ABLIM3: variants seen among roughly 807,000 people sequenced by gnomAD.
ABLIM3 encodes the protein actin-binding LIM protein 3.
Under a neutral mutation model 109.5 loss-of-function variants are expected in ABLIM3, and 61 were observed. That is an observed-to-expected ratio of 0.56 (90% CI 0.45 to 0.69). ABLIM3 has a LOEUF of 0.69. Among genes scored for constraint, ABLIM3 ranks in the 30% least tolerant of loss-of-function variants. ABLIM3 has a pLI of 0.00. For synonymous variants in ABLIM3, 300 were observed against 324.8 expected, an observed-to-expected ratio of 0.92 and a Z score of 0.82; for missense variants, 796 against 889.5, an observed-to-expected ratio of 0.89 and a Z score of 1.34.
At chr5:149,186,829 C>A (rs1196820913) in intron 3 of ABLIM3, among the ~76,000 whole-genome samples, 1 of 150,340 alleles carries the variant, frequency 6.7e-6, no homozygotes, top group African/African-American at 2.5e-5. Flanking sequence ...TACATTTAAA[C>A]AAGCTAGAAA....
intron 10 of ABLIM3, among the ~76,000 whole-genome samples, chr5:149,233,579 C>T (rs922791333): frequency 2.6e-5 from 4 of 152,160 alleles, no homozygotes; most frequent in Non-Finnish European, 5.9e-5. Context: ...ACAGCAAGAG[C>T]CCTTGCTGAG....
chr5:149,242,619 C>A, intron 15 of ABLIM3, 81 bp downstream of exon 15: 3 of 1,401,514 alleles, frequency 2.1e-6, no homozygotes, highest in Non-Finnish European at 3.0e-6. Flanking sequence ...CCTGCACAGG[C>A]CACCAGGAGC....
At chr5:149,181,328 G>T (rs963876803) in intron 2 of ABLIM3, among the ~76,000 whole-genome samples, 1 of 151,158 alleles carries the variant, frequency 6.6e-6, no homozygotes, top group Non-Finnish European at 1.5e-5. Context: ...GAGCTGTAGG[G>T]GGGATGTGAT....
chr5:149,186,455 G>T (rs1756967027), intron 3 of ABLIM3, among the ~76,000 whole-genome samples: 1 of 151,920 alleles, frequency 6.6e-6, no homozygotes, highest in South Asian at 2.1e-4. Flanking sequence ...GAAAATATCT[G>T]TCCATAATCC....
chr5:149,158,463 T>C (rs868361426), intron 2 of ABLIM3, among the ~76,000 whole-genome samples: 2 of 152,348 alleles, frequency 1.3e-5, no homozygotes, highest in Middle Eastern at 6.8e-3. Flanking sequence ...CCTCAAATGA[T>C]CTAAATGTGG....
chr5:149,221,701 A>C (rs917261852), intron 8 of ABLIM3, among the ~76,000 whole-genome samples: 1 of 152,232 alleles, frequency 6.6e-6, no homozygotes, highest in African/African-American at 2.4e-5. Context: ...CATTTTGTGC[A>C]GCAAAATAAT....
chr5:149,226,419 G>A (rs1002231753), intron 8 of ABLIM3, among the ~76,000 whole-genome samples: 3 of 152,088 alleles, frequency 2.0e-5, no homozygotes, highest in Non-Finnish European at 4.4e-5. Flanking sequence ...TGGGGGCAGA[G>A]GTTGCAGTGA....
chr5:149,162,255 A>G (rs1754443184), intron 2 of ABLIM3, among the ~76,000 whole-genome samples: 1 of 152,066 alleles, frequency 6.6e-6, no homozygotes, highest in African/African-American at 2.4e-5. Context: ...ATTTAATACA[A>G]CTCGACACAG....
At chr5:149,142,676 G>T (rs895461343) in intron 2 of ABLIM3, among the ~76,000 whole-genome samples, 1 of 152,204 alleles carries the variant, frequency 6.6e-6, no homozygotes, top group Non-Finnish European at 1.5e-5. Context: ...GTACCTGCAG[G>T]CTGGTTAGCT....
rs1758191121 is a variant in ABLIM3 at position 149,198,485 on chromosome 5, T to A, written c.335+83T>A. On this transcript the variant is annotated intron_variant, in intron 4 of 23. Coordinates refer to ENST00000309868, the MANE Select transcript of ABLIM3 (RefSeq NM_014945.5). The surrounding 1 kb of genome is among the most constrained non-coding windows in gnomAD (Gnocchi z 4.2). ...AGACCTGGCTTTTTCCAGGAAGTTC[T>A]GGGGTTTACAAGGTTTGTGCTGCAC... 4 of 1,461,014 alleles carry A rather than the reference T, an allele frequency of 2.7e-6. No individual in the cohort carries two copies. The highest frequency in any genetic ancestry group is 3.6e-6 in the Non-Finnish European group (4 of 1,100,606). 90.5% of individuals were successfully genotyped at this position (1,461,014 alleles called of 1,614,324 possible).
chr5:149,198,246 G>C lies in ABLIM3; in HGVS notation c.179G>C (p.Gly60Ala). The C allele has an allele frequency of 1.2e-6, 2 of 1,613,796 alleles. No individual in the cohort carries two copies. The highest frequency in any genetic ancestry group is 1.7e-6 in the Non-Finnish European group (2 of 1,179,846). Reference sequence around the variant, plus strand: ...TGTGGCTGTGGCCTGGCCCAGTCAGGCTTCTTCTTCAAGAACCAGGAGTAC... The same window carrying C: ...TGTGGCTGTGGCCTGGCCCAGTCAGCCTTCTTCTTCAAGAACCAGGAGTAC... The part of the protein sequence containing the change: ...QVCGCGLAQS[G>A]FFFKNQEYIC... The change falls in exon 4 of 24, where the codon GGC (glycine) becomes GCC (alanine). Residue 60 changes from glycine to alanine, a missense_variant. Coordinates refer to ENST00000309868, the MANE Select transcript of ABLIM3 (RefSeq NM_014945.5). This position sits in a 1 kb window ranked among gnomAD's most constrained non-coding sequence, Gnocchi z 4.2.
At chr5:149,257,948 T>G (rs986364358) in intron 23 of ABLIM3, among the ~76,000 whole-genome samples, 3 of 152,164 alleles carry the variant, frequency 2.0e-5, no homozygotes, top group African/African-American at 7.2e-5. Flanking sequence ...CACACACACT[T>G]CTGGATGCAA....
At position 149,242,533 on chromosome 5, in the gene ABLIM3, G is replaced by C. The variant is rs144233458; in HGVS notation, c.1346G>C (p.Arg449Pro). 1 of 1,614,036 alleles carries C rather than the reference G, an allele frequency of 6.2e-7. No homozygotes were observed. The highest frequency in any genetic ancestry group is 2.2e-5 in the East Asian group (1 of 44,870). Reference sequence around the variant, plus strand: ...TACCGGAAACCCCCGATCTACAAACGGCATGGTATGGTCAGAGGTAGATAG... The same window carrying C: ...TACCGGAAACCCCCGATCTACAAACCGCATGGTATGGTCAGAGGTAGATAG... ...NIYRKPPIYK[R>P]HGDLSTATKS... The change falls in exon 15 of 24, where the codon CGG becomes CCG. Residue 449 changes from arginine to proline, a missense_variant. Physicochemically the swap from Arg to Pro is moderately radical, Grantham distance 103. Transcript: ENST00000309868.
At chr5:149,213,768 T>A (rs1759788709) in intron 7 of ABLIM3, among the ~76,000 whole-genome samples, 1 of 152,146 alleles carries the variant, frequency 6.6e-6, no homozygotes, top group African/African-American at 2.4e-5. Flanking sequence ...TGAGTTTCGA[T>A]TGATCCCATT....
chr5:149,162,487 A>G (rs1754461837), intron 2 of ABLIM3, among the ~76,000 whole-genome samples: 1 of 152,240 alleles, frequency 6.6e-6, no homozygotes, highest in South Asian at 2.1e-4. Context: ...GACACAGAAT[A>G]GTGACCATAG....
chr5:149,193,522 A>G (rs1757694146), intron 3 of ABLIM3, among the ~76,000 whole-genome samples: 1 of 152,162 alleles, frequency 6.6e-6, no homozygotes, highest in African/African-American at 2.4e-5. Flanking sequence ...AGAAATATCA[A>G]AAAGATGACA....
chr5:149,200,152 T>G (rs148915319), intron 4 of ABLIM3, among the ~76,000 whole-genome samples, 164 bp from the exon 5 acceptor site: 14 of 152,214 alleles, frequency 9.2e-5, no homozygotes, highest in African/African-American at 1.4e-4. Flanking sequence ...AGGCCCCTAA[T>G]TGAGCAGTTT....
In ABLIM3 at chr5:149,189,938, A is replaced by G. The variant is rs561913337; in HGVS notation, c.151+6349A>G. ...GAATGTTCATAGCAGCATTATTCGT[A>G]ATAGCCAAAAAGTAGAAAAACTCAA... is the stretch of plus-strand genomic sequence containing the variant. On this transcript the variant is annotated intron_variant, in intron 3 of 23. Transcript: ENST00000309868. Among the ~76,000 whole-genome samples the G allele has an allele frequency of 2.0e-5, 3 of 152,392 alleles. No homozygotes were observed. In the East Asian group the frequency reaches 5.8e-4, roughly 29 times the overall value.
At chr5:149,182,311 G>A (rs1756538289) in intron 2 of ABLIM3, among the ~76,000 whole-genome samples, 2 of 152,212 alleles carry the variant, frequency 1.3e-5, no homozygotes, top group South Asian at 2.1e-4. Flanking sequence ...ACAAGAGTGA[G>A]CCTTCTCCTA....
Sources: allele counts gnomAD v4.1 joint callset (sites outside exome capture counted in the v4.1 genomes callset), GRCh38; gene constraint gnomAD v4.1.1; non-coding constraint Gnocchi (gnomAD v3.1); transcripts MANE v1.5; gene names NCBI Gene and HGNC (gene_info 2026-07-23, HGNC 2026-07-21).